The following BLTP3B variants were observed in gnomAD, a reference collection of about 807,000 sequenced individuals.
BLTP3B encodes bridge-like lipid transfer protein family member 3B.
chr12:100,074,593 C>CAA, the BLTP3B span, among the ~76,000 whole-genome samples: 75 of 69,692 alleles, frequency 1.1e-3, no homozygotes, highest in Non-Finnish European at 1.0e-3. Context: ...GACTCTGTTT[C>CAA]AAAAAAAAAA....
At chr12:100,048,032 T>C in the BLTP3B span, 1 of 1,611,248 alleles carries the variant, frequency 6.2e-7, no homozygotes, top group South Asian at 1.1e-5. Context: ...TGAATATTCA[T>C]AAGAGAAGAT....
chr12:100,058,579 T>C, the BLTP3B span: 4 of 1,613,066 alleles, frequency 2.5e-6, no homozygotes, highest in South Asian at 1.1e-5. Context: ...CCATTTTCTG[T>C]AGGCAAATAA....
At chr12:100,110,836 T>C in the BLTP3B span, among the ~76,000 whole-genome samples, 2 of 152,134 alleles carry the variant, frequency 1.3e-5, no homozygotes, top group African/African-American at 4.8e-5. Context: ...TTATCTGTAA[T>C]ATTTATAGGG....
At chr12:100,050,019 T>C in the BLTP3B span, 22 of 755,810 alleles carry the variant, frequency 2.9e-5, no homozygotes, top group East Asian at 9.1e-5. Flanking sequence ...CCACACACTA[T>C]AGAAAAAACC....
chr12:100,037,436 C>T, the BLTP3B span: 1 of 1,318,180 alleles, frequency 7.6e-7, no homozygotes, highest in Non-Finnish European at 9.6e-7. Flanking sequence ...AGCCCCAAAA[C>T]ACAAAACAAC....
the BLTP3B span, among the ~76,000 whole-genome samples, chr12:100,040,617 C>T: frequency 2.0e-5 from 3 of 152,084 alleles, no homozygotes; most frequent in African/African-American, 7.2e-5. Flanking sequence ...ACCCAGGAGG[C>T]GGAGGTTGCA....
chr12:100,080,022 G>C, the BLTP3B span, among the ~76,000 whole-genome samples: 1 of 152,228 alleles, frequency 6.6e-6, no homozygotes, highest in East Asian at 1.9e-4. Context: ...GATTTCAGTG[G>C]ATGTATGGAA....
chr12:100,059,743 T>A, the BLTP3B span: 1 of 1,270,086 alleles, frequency 7.9e-7, no homozygotes, highest in Non-Finnish European at 1.1e-6. Flanking sequence ...AGAATCTTTT[T>A]AAAAAACATA....
chr12:100,113,760 C>T, the BLTP3B span, among the ~76,000 whole-genome samples: 2 of 151,252 alleles, frequency 1.3e-5, no homozygotes, highest in African/African-American at 4.9e-5. Context: ...GAGTTTGACA[C>T]TAGTCTGGGC....
At chr12:100,097,541 T>A in the BLTP3B span, 32 of 1,551,322 alleles carry the variant, frequency 2.1e-5, no homozygotes, top group Non-Finnish European at 2.3e-5. Context: ...CACTTACTCA[T>A]GCAAAACAGA....
the BLTP3B span, among the ~76,000 whole-genome samples, chr12:100,131,049 A>G: frequency 7.2e-6 from 1 of 139,530 alleles, no homozygotes; most frequent in African/African-American, 2.5e-5. Flanking sequence ...GTTTTTTGCC[A>G]TATCTTAAAA....
chr12:100,070,185 G>A, the BLTP3B span: 2 of 1,558,706 alleles, frequency 1.3e-6, no homozygotes, highest in African/African-American at 2.7e-5. Context: ...AGAAACAAAT[G>A]AGAAACACAC....
At chr12:100,099,991 TAA>T in the BLTP3B span, among the ~76,000 whole-genome samples, 2 of 142,260 alleles carry the variant, frequency 1.4e-5, no homozygotes, top group African/African-American at 2.6e-5. Flanking sequence ...TATAAATTAT[TAA>T]AAAAAAAAAA....
chr12:100,132,299 T>C, the BLTP3B span, among the ~76,000 whole-genome samples: 1 of 152,210 alleles, frequency 6.6e-6, no homozygotes, highest in South Asian at 2.1e-4. Flanking sequence ...ATATGGTTTA[T>C]TTGTCCCCAC....
chr12:100,037,621 T>C, the BLTP3B span: 1 of 1,607,098 alleles, frequency 6.2e-7, no homozygotes, highest in Admixed American at 1.7e-5. Flanking sequence ...ATTTCAGTTT[T>C]GACTGCCACT....
At chr12:100,086,210 T>C in the BLTP3B span, 6 of 1,059,548 alleles carry the variant, frequency 5.7e-6, no homozygotes, top group Non-Finnish European at 7.8e-6. Flanking sequence ...AAAACTAAAC[T>C]AAATAAATTA....
chr12:100,108,378 A>G, the BLTP3B span: 29 of 1,606,442 alleles, frequency 1.8e-5, no homozygotes, highest in Non-Finnish European at 2.5e-5. Context: ...CAGATATCAA[A>G]GTCTCACCCT....
chr12:100,048,477 T>G, the BLTP3B span, among the ~76,000 whole-genome samples: 1 of 151,970 alleles, frequency 6.6e-6, no homozygotes, highest in Non-Finnish European at 1.5e-5. Context: ...AGATACTTAG[T>G]GTGTGTTTGA....
At chr12:100,130,949 C>CATACATACATACATACAT in the BLTP3B span, among the ~76,000 whole-genome samples, 429 of 97,556 alleles carry the variant, frequency 4.4e-3, 4 homozygotes, top group African/African-American at 0.022. Flanking sequence ...TACATACATA[C>CATACATACATACATACAT]ATATATATAT....
Sources: allele counts gnomAD v4.1 joint callset (sites outside exome capture counted in the v4.1 genomes callset), GRCh38; gene constraint gnomAD v4.1.1; transcripts MANE v1.5; gene names NCBI Gene and HGNC (gene_info 2026-07-23, HGNC 2026-07-21).